Variants in OPCML observed in about 807,000 individuals in gnomAD.
OPCML encodes opioid-binding protein/cell adhesion molecule.
A neutral mutation model predicts 37.8 loss-of-function variants in OPCML; 13 were observed. That is an observed-to-expected ratio of 0.34 (90% CI 0.22 to 0.55). OPCML has a LOEUF of 0.55. Ranked by LOEUF, OPCML falls within the 20% of genes least tolerant of loss-of-function variation. The pLI, the probability that OPCML is intolerant of heterozygous loss-of-function variation, is 0.91. For missense variants in OPCML, 341 were observed against 435.6 expected (o/e 0.78, Z 1.93); for synonymous variants, 176 against 168.8 (o/e 1.04, Z -0.33).
intron 1 of OPCML, among the ~76,000 whole-genome samples, chr11:132,985,891 T>G (rs1946675445): frequency 6.6e-6 from 1 of 152,226 alleles, no homozygotes. Context: ...GTTTTCCAAT[T>G]GTCTCTCTGG....
At chr11:133,401,129 A>G (rs567174334) in intron 1 of OPCML, among the ~76,000 whole-genome samples, 2 of 152,346 alleles carry the variant, frequency 1.3e-5, no homozygotes, top group East Asian at 3.9e-4. Context: ...TTGGAGTCCA[A>G]CTTATTTTAA....
At chr11:133,322,339 T>C (rs1317233707) in intron 1 of OPCML, among the ~76,000 whole-genome samples, 2 of 152,224 alleles carry the variant, frequency 1.3e-5, no homozygotes, top group African/African-American at 2.4e-5. Flanking sequence ...TATACAGATA[T>C]ACATGCACAT....
intron 2 of OPCML, among the ~76,000 whole-genome samples, chr11:132,872,421 G>A (rs1030688581): frequency 2.0e-5 from 3 of 152,140 alleles, no homozygotes; most frequent in Non-Finnish European, 1.5e-5. Flanking sequence ...ATAATCACTC[G>A]TGACACCCTC....
At chr11:133,203,812 A>G (rs745821080) in intron 1 of OPCML, among the ~76,000 whole-genome samples, 5 of 152,144 alleles carry the variant, frequency 3.3e-5, no homozygotes, top group Non-Finnish European at 7.4e-5. Context: ...TAATCCCAGT[A>G]CTTTGGGAGG....
At chr11:133,439,368 C>A (rs551551699) in intron 1 of OPCML, 1 of 985,010 alleles carries the variant, frequency 1.0e-6, no homozygotes, top group Non-Finnish European at 1.2e-6. Context: ...CCATGCCACA[C>A]CTAGATGAGT....
At chr11:133,434,798 G>GTATATATATATA (rs57835682) in intron 1 of OPCML, among the ~76,000 whole-genome samples, 3 of 129,004 alleles carry the variant, frequency 2.3e-5, no homozygotes, top group African/African-American at 8.1e-5. Flanking sequence ...TTATATATAT[G>GTATATATATATA]TATATATATA....
At chr11:132,442,702 T>C (rs972627678) in intron 4 of OPCML, among the ~76,000 whole-genome samples, 4 of 152,184 alleles carry the variant, frequency 2.6e-5, no homozygotes, top group African/African-American at 2.4e-5. Context: ...TCCCCCATAC[T>C]GTAGTCTTGG....
chr11:132,564,472 C>T (rs1385989171), intron 3 of OPCML, among the ~76,000 whole-genome samples: 3 of 152,176 alleles, frequency 2.0e-5, no homozygotes, highest in African/African-American at 7.2e-5. Context: ...ATCTCTCCAT[C>T]ATTTTTCTTA....
Position 133,172,767 on chromosome 11 carries a change from T to C in OPCML, c.62-229757A>G, listed in dbSNP as rs181996016. ...ATGATGTCCAAAAAACAATATATAA[T>C]TCTAAAACACAGGAGAAAGAGCTGG... On this transcript the variant is annotated intron_variant, in intron 1 of 7. Transcript: ENST00000524381. Among the ~76,000 whole-genome samples, 700 of 152,264 alleles carry C rather than the reference T, an allele frequency of 4.6e-3. 6 individuals carry two copies. Among genetic ancestry groups the C allele is most frequent in the Non-Finnish European group, 7.1e-3 (486 of 68,036 alleles).
At chr11:133,201,727 G>C (rs568954855) in intron 1 of OPCML, among the ~76,000 whole-genome samples, 80 of 152,278 alleles carry the variant, frequency 5.3e-4, no homozygotes, top group Middle Eastern at 6.8e-3. Flanking sequence ...GAGTAACTTG[G>C]AGGACTTTGT....
intron 1 of OPCML, among the ~76,000 whole-genome samples, chr11:133,100,720 T>C (rs979767667): frequency 2.0e-5 from 3 of 152,174 alleles, no homozygotes; most frequent in East Asian, 1.9e-4. Context: ...GGAGTAAAGA[T>C]AGTCCTCAAT....
chr11:132,632,591 G>T (rs186590235), intron 3 of OPCML, among the ~76,000 whole-genome samples: 1 of 152,024 alleles, frequency 6.6e-6, no homozygotes, highest in Non-Finnish European at 1.5e-5. Context: ...CAATGTCGCC[G>T]CAGAGGAGTC....
At chr11:133,175,333 C>T (rs1189428999) in intron 1 of OPCML, among the ~76,000 whole-genome samples, 1 of 152,174 alleles carries the variant, frequency 6.6e-6, no homozygotes, top group Non-Finnish European at 1.5e-5. Flanking sequence ...TGAGTAATAA[C>T]AGTGCCTTCT....
chr11:133,061,050 G>A (rs918525876), intron 1 of OPCML, among the ~76,000 whole-genome samples: 1 of 152,206 alleles, frequency 6.6e-6, no homozygotes, highest in Non-Finnish European at 1.5e-5. Context: ...TATTTTTAGT[G>A]TTGGGGAGTG....
intron 2 of OPCML, among the ~76,000 whole-genome samples, chr11:132,732,710 AAG>A (rs1467703734): frequency 6.6e-6 from 1 of 152,214 alleles, no homozygotes; most frequent in African/African-American, 2.4e-5. Context: ...ACAGCAAACC[AAG>A]AGAGATTGTT....
At chr11:133,332,577 G>T (rs936942003) in intron 1 of OPCML, among the ~76,000 whole-genome samples, 10 of 152,084 alleles carry the variant, frequency 6.6e-5, no homozygotes, top group Admixed American at 4.6e-4. Context: ...TTGGCTGTGG[G>T]TATGTCATAG....
chr11:133,300,102 G>A (rs1942742069), intron 1 of OPCML: 1 of 152,170 alleles, frequency 6.6e-6, no homozygotes, highest in South Asian at 2.1e-4. Flanking sequence ...AGACAGAGGG[G>A]AATCACTATG....
chr11:132,692,293 C>T (rs1446019342), intron 2 of OPCML, among the ~76,000 whole-genome samples: 1 of 151,938 alleles, frequency 6.6e-6, no homozygotes, highest in Non-Finnish European at 1.5e-5. Context: ...GTGTGTCCAG[C>T]ACTAAATTCA....
chr11:132,902,095 G>T (rs993939858), intron 2 of OPCML, among the ~76,000 whole-genome samples: 2 of 152,140 alleles, frequency 1.3e-5, no homozygotes, highest in Non-Finnish European at 2.9e-5. Flanking sequence ...ATGAAAAACC[G>T]TCCAGTGGGA....
Sources: allele counts gnomAD v4.1 joint callset (sites outside exome capture counted in the v4.1 genomes callset), GRCh38; gene constraint gnomAD v4.1.1; transcripts MANE v1.5; gene names NCBI Gene and HGNC (gene_info 2026-07-23, HGNC 2026-07-21).